The following PAM variants were observed in gnomAD, a reference collection of about 807,000 sequenced individuals.
PAM encodes the protein peptidyl-glycine alpha-amidating monooxygenase.
Under a neutral mutation model 122.1 loss-of-function variants are expected in PAM, and 72 were observed. That is an observed-to-expected ratio of 0.59 (90% confidence interval 0.49 to 0.72). The LOEUF (loss-of-function observed/expected upper bound fraction) is 0.72. Among genes scored for constraint, PAM ranks in the 30% least tolerant of loss-of-function variants. PAM has a pLI of 0.00. For missense variants in PAM, 1,106 were observed against 1,183.7 expected (o/e 0.93, Z 0.96); for synonymous variants, 389 against 404.4 (o/e 0.96, Z 0.46).
chr5:102,848,708 AGTT>A (rs1237243933), intron 1 of PAM, among the ~76,000 whole-genome samples: 2 of 152,198 alleles, frequency 1.3e-5, no homozygotes, highest in African/African-American at 4.8e-5. Flanking sequence ...AAATGGAGAG[AGTT>A]GATAGGTAAA....
intron 1 of PAM, among the ~76,000 whole-genome samples, chr5:102,781,728 A>C (rs1758984526): frequency 6.6e-6 from 1 of 152,218 alleles, no homozygotes; most frequent in Non-Finnish European, 1.5e-5. Flanking sequence ...AATAAGTGAG[A>C]AGGTCAGTTA....
At chr5:102,782,492 G>C (rs1282847819) in intron 1 of PAM, among the ~76,000 whole-genome samples, 2 of 152,156 alleles carry the variant, frequency 1.3e-5, no homozygotes, top group Non-Finnish European at 2.9e-5. Flanking sequence ...CTTGGCTCTT[G>C]TTTTAGAAAG....
intron 1 of PAM, among the ~76,000 whole-genome samples, chr5:102,764,062 GTTTTGGGGGGAATACCA>G (rs1753180739): frequency 6.6e-6 from 1 of 152,032 alleles, no homozygotes; most frequent in Non-Finnish European, 1.5e-5. Flanking sequence ...GATCGAAAGT[GTTTTGGGGGGAATACCA>G]TTAATTGAAC....
chr5:102,860,499 G>C (rs1483171650), intron 1 of PAM, among the ~76,000 whole-genome samples: 1 of 151,934 alleles, frequency 6.6e-6, no homozygotes, highest in African/African-American at 2.4e-5. Context: ...CCTGGGAAAC[G>C]TGGTGAAACT....
intron 7 of PAM, among the ~76,000 whole-genome samples, chr5:102,940,923 T>C (rs1754995124): frequency 6.6e-6 from 1 of 152,180 alleles, no homozygotes; most frequent in African/African-American, 2.4e-5. Flanking sequence ...TAAAGAGTTC[T>C]AAAGCCAATC....
intron 1 of PAM, among the ~76,000 whole-genome samples, chr5:102,823,813 T>C (rs1250636486): frequency 1.3e-5 from 2 of 152,204 alleles, no homozygotes; most frequent in Admixed American, 1.3e-4. Flanking sequence ...CCTGTTCTCA[T>C]GTTCACTTCA....
intron 7 of PAM, among the ~76,000 whole-genome samples, chr5:102,930,702 G>A (rs773220051): frequency 5.6e-4 from 86 of 152,256 alleles, no homozygotes; most frequent in Non-Finnish European, 9.4e-4. Flanking sequence ...TCCTAATGCC[G>A]CTCAGTCTTG....
At chr5:102,837,113 G>T (rs1433304485) in intron 1 of PAM, among the ~76,000 whole-genome samples, 1 of 152,094 alleles carries the variant, frequency 6.6e-6, no homozygotes, top group African/African-American at 2.4e-5. Flanking sequence ...CTCCCTTAGG[G>T]ATATGCCAAA....
At chr5:102,834,273 G>A (rs948240535) in intron 1 of PAM, among the ~76,000 whole-genome samples, 1 of 152,046 alleles carries the variant, frequency 6.6e-6, no homozygotes, top group East Asian at 1.9e-4. Context: ...CTTGAGTACA[G>A]AACTCAACAG....
At chr5:103,010,998 T>C (rs1780422385) in intron 21 of PAM, among the ~76,000 whole-genome samples, 1 of 152,234 alleles carries the variant, frequency 6.6e-6, no homozygotes, top group African/African-American at 2.4e-5. Context: ...AGTCACACTG[T>C]TGTGCTATCA....
chr5:102,852,606 T>C (rs1401572955), intron 1 of PAM, among the ~76,000 whole-genome samples: 1 of 152,144 alleles, frequency 6.6e-6, no homozygotes, highest in Non-Finnish European at 1.5e-5. Context: ...ATTTCTTCAG[T>C]GTTTTAAAGA....
At chr5:102,894,634 C>A (rs1795690522) in intron 3 of PAM, among the ~76,000 whole-genome samples, 1 of 151,730 alleles carries the variant, frequency 6.6e-6, no homozygotes, top group African/African-American at 2.4e-5. Flanking sequence ...CTTGACCCAA[C>A]TGCCCCTTTG....
At chr5:102,812,482 T>G (rs1178147460) in intron 1 of PAM, among the ~76,000 whole-genome samples, 1 of 151,974 alleles carries the variant, frequency 6.6e-6, no homozygotes, top group African/African-American at 2.4e-5. Flanking sequence ...AAAAAGGAGA[T>G]GGAAAGAAAA....
intron 15 of PAM, among the ~76,000 whole-genome samples, chr5:102,979,740 G>C (rs985454916): frequency 6.6e-6 from 1 of 151,954 alleles, no homozygotes; most frequent in African/African-American, 2.4e-5. Flanking sequence ...TTCTGGAAAA[G>C]TATAATTTAT....
chr5:102,974,149 G>C lies in PAM; in HGVS notation c.1196G>C (p.Gly399Ala), dbSNP rs769510291. The stretch of plus-strand genomic sequence containing the variant: ...TATTCACTACTTTCCAAGCTGCTAG[G>C]AGAAAGGGAAGATGTTGTTCATGTG... ...DFYSLLSKLLGEREDVVHVHK... is the reference protein window; with the variant it reads ...DFYSLLSKLLAEREDVVHVHK... Residue 399 changes from glycine to alanine, a missense_variant, in exon 15 of 26, where the codon GGA becomes GCA. By Grantham distance (60) the Gly-to-Ala change is moderately conservative. Coordinates refer to ENST00000438793, the MANE Select transcript of PAM (RefSeq NM_001177306.2). 6.2e-7 allele frequency: 1 copy of C among 1,613,568 alleles called. No individual in the cohort carries two copies. Among genetic ancestry groups the C allele is most frequent in the African/African-American group, 1.3e-5 (1 of 74,900 alleles).
At chr5:102,964,442 T>C (rs1037719418) in intron 14 of PAM, among the ~76,000 whole-genome samples, 2 of 151,896 alleles carry the variant, frequency 1.3e-5, no homozygotes, top group African/African-American at 4.8e-5. Flanking sequence ...TCTCAAAAGA[T>C]GTAATTACAG....
intron 5 of PAM, 142 bp downstream of exon 5, chr5:102,914,163 G>A (rs545704915): frequency 4.7e-5 from 28 of 601,954 alleles, no homozygotes; most frequent in Admixed American, 1.1e-4. Flanking sequence ...TTGTCATCAC[G>A]TGGTTATCAT....
At chr5:102,906,192 A>AG (rs1799489915) in intron 4 of PAM, among the ~76,000 whole-genome samples, 1 of 151,852 alleles carries the variant, frequency 6.6e-6, no homozygotes, top group East Asian at 1.9e-4. Context: ...GTCTTCAATT[A>AG]GGTACATCTA....
rs114049029 is a variant in PAM at position 102,974,431 on chromosome 5, C to T, written c.1478C>T (p.Thr493Ile). The stretch of plus-strand genomic sequence containing the variant: ...GAAGGCACCTGGGAACCAGAACACA[C>T]AGGAGGTGCGTGTAGGGTTTCTTTT... ...PGEGTWEPEH[T>I]GDFHMEEALD... The change falls in exon 15 of 26, where the codon ACA becomes ATA. Residue 493 changes from threonine (T) to isoleucine (I), a missense_variant. Thr to Ile is a moderately conservative substitution (Grantham distance 89). Transcript: ENST00000438793. 8.4e-5 allele frequency: 135 copies of T among 1,608,880 alleles called. No homozygotes were observed. In the African/African-American group the frequency reaches 1.6e-3, roughly 19 times the overall value.
Sources: gnomAD v4.1 joint callset for allele counts (sites outside exome capture counted in the v4.1 genomes callset) on GRCh38, gnomAD v4.1.1 for gene constraint, MANE v1.5 for transcripts, NCBI Gene and HGNC (gene_info 2026-07-23, HGNC 2026-07-21) for gene names.